GREB1L: variants seen among roughly 807,000 people sequenced by gnomAD.
The protein encoded by GREB1L is GREB1 like retinoic acid receptor coactivator, also known as GREB1-like protein.
In GREB1L, 17 loss-of-function variants were observed where a neutral mutation model predicts 200.8. The observed-to-expected ratio is 0.08, with a 90% CI of 0.06 to 0.13. The LOEUF (loss-of-function observed/expected upper bound fraction) is 0.13, where lower values mean the gene tolerates loss of function less well. Ranked by LOEUF, GREB1L falls within the 10% of genes least tolerant of loss-of-function variation. The pLI, the probability that GREB1L is intolerant of heterozygous loss-of-function variation, is 1.00. For synonymous variants in GREB1L, 789 were observed against 893.0 expected (o/e 0.88, Z 2.08); for missense variants, 1,657 against 2,367.7 (o/e 0.70, Z 6.23).
rs2034088953 is a variant in GREB1L at position 21,444,354 on chromosome 18, A to G, written c.1338A>G (p.Gln446=). 4.5e-6 allele frequency: 7 copies of G among 1,552,306 alleles called. No homozygotes were observed. The highest frequency in any genetic ancestry group is 2.4e-5 in the East Asian group (1 of 40,926). The change falls in exon 11 of 33, where the codon CAA becomes CAG. Residue 446 remains glutamine (Q), a synonymous_variant. Transcript: ENST00000424526. ...DLEKLGLTGS[Q]FLSVENMILL... Reference sequence around the variant, plus strand: ...AAAAATTAGGGTTGACCGGCAGCCAATTTCTGAGCGTGGAAAACATGATTC... The same window carrying G: ...AAAAATTAGGGTTGACCGGCAGCCAGTTTCTGAGCGTGGAAAACATGATTC...
chr18:21,443,266 G>A (rs541448326), intron 10 of GREB1L, among the ~76,000 whole-genome samples: 29 of 151,646 alleles, frequency 1.9e-4, no homozygotes, highest in African/African-American at 6.3e-4. Context: ...GCAGTGGCGC[G>A]ATCTCGGCTC....
chr18:21,500,602 C>G lies in GREB1L; in HGVS notation c.4032C>G (p.Leu1344=). 1 of 1,551,268 alleles carries G rather than the reference C, an allele frequency of 6.4e-7. No homozygotes were observed. The highest frequency in any genetic ancestry group is 8.7e-7 in the Non-Finnish European group (1 of 1,146,898). ...TCCTCTTCCGCATGCTCATCAGGCT[C>G]CTGGAGGTGGACGTGTATGATGAGG... is the stretch of plus-strand genomic sequence containing the variant. ...LRILFRMLIR[L]LEVDVYDEEE... Residue 1344 remains leucine, a synonymous_variant, in exon 23 of 33, where the codon CTC becomes CTG. Transcript: ENST00000424526.
chr18:21,470,590 C>A (rs993311267), intron 15 of GREB1L, among the ~76,000 whole-genome samples: 12 of 151,944 alleles, frequency 7.9e-5, no homozygotes, highest in Non-Finnish European at 1.5e-4. Flanking sequence ...CAACTAAATT[C>A]TTATTGATTC....
chr18:21,478,238 A>G (rs772720325), intron 17 of GREB1L, among the ~76,000 whole-genome samples: 21 of 152,298 alleles, frequency 1.4e-4, no homozygotes, highest in Admixed American at 3.9e-4. Flanking sequence ...ATGTGTTGAG[A>G]CTACCCATCT....
chr18:21,447,135 A>G (rs2034265951), intron 11 of GREB1L, among the ~76,000 whole-genome samples: 1 of 152,080 alleles, frequency 6.6e-6, no homozygotes, highest in African/African-American at 2.4e-5. Context: ...GCTGAGGATG[A>G]GGTACTGGGT....
intron 1 of GREB1L, among the ~76,000 whole-genome samples, chr18:21,283,323 T>TG (rs1234992055): frequency 1.3e-5 from 2 of 152,120 alleles, no homozygotes; most frequent in African/African-American, 4.8e-5. Context: ...AGGAATTCTG[T>TG]GGGAAAAAAA....
chr18:21,467,086 A>G (rs917442758), intron 15 of GREB1L, among the ~76,000 whole-genome samples: 4 of 152,232 alleles, frequency 2.6e-5, no homozygotes, highest in Non-Finnish European at 2.9e-5. Flanking sequence ...TCTACCTCAC[A>G]TACAAAAAAT....
At chr18:21,449,158 C>A (rs1302370456) in intron 11 of GREB1L, among the ~76,000 whole-genome samples, 3 of 152,160 alleles carry the variant, frequency 2.0e-5, no homozygotes, top group African/African-American at 7.2e-5. Context: ...TTAACAATTT[C>A]TATAATGCCA....
intron 7 of GREB1L, among the ~76,000 whole-genome samples, chr18:21,429,268 C>T (rs1598820004): frequency 8.6e-6 from 1 of 116,548 alleles, no homozygotes; most frequent in Non-Finnish European, 1.8e-5. Context: ...CTGTCCTCTC[C>T]TCTCCTCTCC....
chr18:21,312,578 A>G (rs866020698), intron 1 of GREB1L, among the ~76,000 whole-genome samples: 1 of 150,974 alleles, frequency 6.6e-6, no homozygotes, highest in Middle Eastern at 3.4e-3. Flanking sequence ...TTTTTGAGAC[A>G]AAGTCTCGCC....
At chr18:21,323,629 C>T (rs752731516) in intron 1 of GREB1L, among the ~76,000 whole-genome samples, 4 of 152,016 alleles carry the variant, frequency 2.6e-5, no homozygotes, top group Non-Finnish European at 4.4e-5. Flanking sequence ...CTACTCCAAA[C>T]GTTGAGGTGG....
intron 1 of GREB1L, among the ~76,000 whole-genome samples, chr18:21,296,663 T>TTG (rs1347455146): frequency 1.3e-5 from 2 of 151,926 alleles, no homozygotes; most frequent in Non-Finnish European, 2.9e-5. Flanking sequence ...TTTTTTGTTT[T>TTG]TTTTTTTTTG....
At chr18:21,297,341 T>G (rs1441277911) in intron 1 of GREB1L, among the ~76,000 whole-genome samples, 1 of 152,152 alleles carries the variant, frequency 6.6e-6, no homozygotes, top group Non-Finnish European at 1.5e-5. Context: ...CCATTAGGAA[T>G]GCTTGTACTT....
intron 32 of GREB1L, among the ~76,000 whole-genome samples, chr18:21,521,766 G>A (rs988783804): frequency 6.6e-6 from 1 of 151,888 alleles, no homozygotes; most frequent in Admixed American, 6.6e-5. Flanking sequence ...CACTTTGGGA[G>A]GCCAAGGTGG....
At chr18:21,324,879 A>G (rs1252356541) in intron 1 of GREB1L, among the ~76,000 whole-genome samples, 5 of 152,202 alleles carry the variant, frequency 3.3e-5, no homozygotes, top group East Asian at 1.9e-4. Context: ...GAAGGAAACC[A>G]TATTTGTCAT....
At chr18:21,318,191 AT>A (rs2038902401) in intron 1 of GREB1L, among the ~76,000 whole-genome samples, 2 of 152,156 alleles carry the variant, frequency 1.3e-5, no homozygotes, top group South Asian at 4.1e-4. Flanking sequence ...GTTCAATGAG[AT>A]GCTGCTGTGA....
intron 1 of GREB1L, among the ~76,000 whole-genome samples, chr18:21,360,385 ATT>A (rs59582263): frequency 6.9e-6 from 1 of 145,948 alleles, no homozygotes. Context: ...CACCTAGCTA[ATT>A]TTTTTTTTTT....
chr18:21,248,547 CTT>C (rs1485459238), intron 1 of GREB1L, among the ~76,000 whole-genome samples: 1 of 152,134 alleles, frequency 6.6e-6, no homozygotes, highest in South Asian at 2.1e-4. Context: ...CACACAGACA[CTT>C]TTTAACTTTC....
intron 2 of GREB1L, among the ~76,000 whole-genome samples, chr18:21,373,363 G>GT (rs1383406099): frequency 1.3e-5 from 2 of 151,986 alleles, no homozygotes; most frequent in African/African-American, 2.4e-5. Context: ...TCGAGACAGA[G>GT]TTTTTTGTCA....
Sources: gnomAD v4.1 joint callset for allele counts (sites outside exome capture counted in the v4.1 genomes callset) on GRCh38, gnomAD v4.1.1 for gene constraint, MANE v1.5 for transcripts, NCBI Gene and HGNC (gene_info 2026-07-23, HGNC 2026-07-21) for gene names.